Variants in CAMK1D observed in about 807,000 individuals in gnomAD.
CAMK1D encodes the protein calcium/calmodulin-dependent protein kinase type 1D.
In CAMK1D, 9 loss-of-function variants were observed where a neutral mutation model predicts 47.7. That is an observed-to-expected ratio of 0.19 (90% CI 0.11 to 0.33). CAMK1D has a LOEUF of 0.33. Ranked by LOEUF, CAMK1D falls within the 10% of genes least tolerant of loss-of-function variation. The pLI is 1.00. For missense variants in CAMK1D, 291 were observed against 488.7 expected (o/e 0.60, Z 3.81); for synonymous variants, 184 against 184.9 (o/e 0.99, Z 0.04).
In CAMK1D at chr10:12,387,365, A is replaced by T. The variant is rs1338641072; in HGVS notation, c.92+37455A>T. ...ATATATATTATATTTTATATATATA[A>T]TATATATATTATATATTATATATAT... On this transcript the variant is annotated intron_variant, in intron 1 of 10. Transcript: ENST00000619168. Among the ~76,000 whole-genome samples, 84 of 79,940 alleles carry T rather than the reference A, an allele frequency of 1.1e-3. 1 individual carries two copies. In the East Asian group the frequency reaches 0.024, roughly 23 times the overall value. 52.4% of individuals were successfully genotyped at this position (79,940 alleles called of 152,430 possible). A position where few individuals can be genotyped will look rare whatever the true frequency, so the allele number is the denominator to read the frequency against.
At chr10:12,745,448 TG>T (rs1456877958) in intron 3 of CAMK1D, among the ~76,000 whole-genome samples, 1 of 152,108 alleles carries the variant, frequency 6.6e-6, no homozygotes, top group Non-Finnish European at 1.5e-5. Flanking sequence ...AAACAGAATG[TG>T]GTGAAGGGAA....
At chr10:12,495,326 G>T (rs1162729069) in intron 1 of CAMK1D, among the ~76,000 whole-genome samples, 1 of 152,196 alleles carries the variant, frequency 6.6e-6, no homozygotes, top group Admixed American at 6.5e-5. Flanking sequence ...GTGTGCAAAT[G>T]ACCTTGTCAT....
intron 1 of CAMK1D, among the ~76,000 whole-genome samples, chr10:12,541,642 G>C (rs1183130741): frequency 6.6e-6 from 1 of 152,196 alleles, no homozygotes; most frequent in Non-Finnish European, 1.5e-5. Flanking sequence ...TTACAGGCGT[G>C]AGCCACTGCG....
chr10:12,509,395 A>G (rs971753421), intron 1 of CAMK1D, among the ~76,000 whole-genome samples: 1 of 152,212 alleles, frequency 6.6e-6, no homozygotes, highest in Non-Finnish European at 1.5e-5. Flanking sequence ...TTGTCTGGAC[A>G]CAGGTGGAGT....
At chr10:12,543,186 T>TATA (rs1354489554) in intron 1 of CAMK1D, among the ~76,000 whole-genome samples, 2 of 152,162 alleles carry the variant, frequency 1.3e-5, no homozygotes, top group African/African-American at 4.8e-5. Flanking sequence ...TTGCCGGGAT[T>TATA]ATAGGCACCC....
chr10:12,536,404 G>C (rs1405066432), intron 1 of CAMK1D, among the ~76,000 whole-genome samples: 1 of 152,142 alleles, frequency 6.6e-6, no homozygotes, highest in Admixed American at 6.5e-5. Flanking sequence ...TTAGCCTCCA[G>C]AGTAGCTGGG....
chr10:12,694,182 A>AT lies in CAMK1D; in HGVS notation c.299+27373dup, dbSNP rs1172303841. On this transcript the variant is annotated intron_variant, in intron 3 of 10. Coordinates refer to ENST00000619168, the MANE Select transcript of CAMK1D (RefSeq NM_153498.4). ...ATATTATGCATAATATATATTATAT[A>AT]TAATATAATATATATTATATATTAT... is the stretch of plus-strand genomic sequence containing the variant. 4.7e-3 allele frequency among the ~76,000 whole-genome samples: 218 copies of AT among 46,250 alleles called. 38 individuals are homozygous for AT. Among genetic ancestry groups the AT allele is most frequent in the African/African-American group, 9.6e-3 (110 of 11,458 alleles). The allele number at this position is 46,250 out of a possible 152,430, so 30.3% of individuals were successfully genotyped here.
At chr10:12,549,425 T>C (rs1185372509) in intron 1 of CAMK1D, among the ~76,000 whole-genome samples, 1 of 152,264 alleles carries the variant, frequency 6.6e-6, no homozygotes. Flanking sequence ...GTTATATGTG[T>C]GGACCATATT....
intron 4 of CAMK1D, 134 bp downstream of exon 4, chr10:12,761,220 T>C (rs1226989886): frequency 9.4e-7 from 1 of 1,061,066 alleles, no homozygotes. Context: ...GGCATTTGTG[T>C]ACTTTGAGTT....
chr10:12,714,802 ACAC>A (rs1834063025), intron 3 of CAMK1D, among the ~76,000 whole-genome samples: 2 of 150,002 alleles, frequency 1.3e-5, no homozygotes, highest in African/African-American at 2.5e-5. Flanking sequence ...ACACACACAC[ACAC>A]AATGTCTGAT....
At chr10:12,732,635 C>T (rs1426424687) in intron 3 of CAMK1D, among the ~76,000 whole-genome samples, 3 of 151,562 alleles carry the variant, frequency 2.0e-5, no homozygotes, top group Non-Finnish European at 4.4e-5. Flanking sequence ...GAGAATAGCA[C>T]AGGAAAGATG....
chr10:12,429,692 A>G (rs893010568), intron 1 of CAMK1D, among the ~76,000 whole-genome samples: 2 of 151,788 alleles, frequency 1.3e-5, no homozygotes, highest in Non-Finnish European at 2.9e-5. Context: ...TCAGTCATCC[A>G]CCTCACTGTG....
intron 1 of CAMK1D, among the ~76,000 whole-genome samples, chr10:12,400,223 C>G (rs376123135): frequency 6.6e-6 from 1 of 152,162 alleles, no homozygotes; most frequent in Non-Finnish European, 1.5e-5. Flanking sequence ...TTTTACAAGA[C>G]AGTCTTTGGA....
intron 1 of CAMK1D, among the ~76,000 whole-genome samples, chr10:12,465,958 T>A (rs972826627): frequency 1.4e-4 from 22 of 152,302 alleles, no homozygotes; most frequent in African/African-American, 5.1e-4. Context: ...TCATAAATCA[T>A]CAATTTCTGA....
chr10:12,450,634 A>C (rs1833056305), intron 1 of CAMK1D, among the ~76,000 whole-genome samples: 1 of 152,176 alleles, frequency 6.6e-6, no homozygotes, highest in African/African-American at 2.4e-5. Context: ...AGAGAGAAGG[A>C]GGCTGTGTCC....
chr10:12,735,528 C>T (rs569961733), intron 3 of CAMK1D, among the ~76,000 whole-genome samples: 26 of 152,218 alleles, frequency 1.7e-4, no homozygotes, highest in Non-Finnish European at 2.9e-4. Flanking sequence ...GAGCAAGAAG[C>T]GGAGGGGCGA....
intron 1 of CAMK1D, among the ~76,000 whole-genome samples, chr10:12,497,475 CAAAA>C (rs56786154): frequency 2.3e-5 from 2 of 88,858 alleles, no homozygotes; most frequent in Non-Finnish European, 2.3e-5. Flanking sequence ...GACTCCATCT[CAAAA>C]AAAAAAAAAA....
chr10:12,532,363 T>G (rs2132223488), intron 1 of CAMK1D, among the ~76,000 whole-genome samples: 1 of 151,066 alleles, frequency 6.6e-6, no homozygotes, highest in African/African-American at 2.4e-5. Context: ...CACTGCAAGC[T>G]CCGCCTCCTG....
chr10:12,570,916 A>C (rs1004314438), intron 2 of CAMK1D, among the ~76,000 whole-genome samples: 12 of 152,156 alleles, frequency 7.9e-5, no homozygotes, highest in Admixed American at 5.2e-4. Context: ...GCGTCACTGC[A>C]CTCTAGCCTG....
Sources: gnomAD v4.1 joint callset for allele counts (sites outside exome capture counted in the v4.1 genomes callset) on GRCh38, gnomAD v4.1.1 for gene constraint, MANE v1.5 for transcripts, NCBI Gene and HGNC (gene_info 2026-07-23, HGNC 2026-07-21) for gene names.